The following REDIC1 variants were observed in gnomAD, a reference collection of about 807,000 sequenced individuals.
The protein encoded by REDIC1 is regulator of DNA class I crossover intermediates 1, also known as HEI10 Interacting Protein 1.
the REDIC1 span, among the ~76,000 whole-genome samples, chr12:39,795,946 T>C: frequency 6.6e-6 from 1 of 152,126 alleles, no homozygotes; most frequent in Non-Finnish European, 1.5e-5. Flanking sequence ...TTCAGTATAT[T>C]CACAGAGTTG....
chr12:39,693,878 T>C, the REDIC1 span, among the ~76,000 whole-genome samples: 2 of 152,156 alleles, frequency 1.3e-5, no homozygotes, highest in Non-Finnish European at 2.9e-5. Flanking sequence ...TCAATTTTGA[T>C]ATATATATAT....
the REDIC1 span, among the ~76,000 whole-genome samples, chr12:39,900,274 C>T: frequency 4.0e-4 from 61 of 152,254 alleles, no homozygotes; most frequent in Non-Finnish European, 6.3e-4. Flanking sequence ...CCTTTGAAAA[C>T]TGGCACAAGA....
At chr12:39,664,192 A>G in the REDIC1 span, among the ~76,000 whole-genome samples, 5 of 151,860 alleles carry the variant, frequency 3.3e-5, no homozygotes, top group Admixed American at 6.6e-5. Context: ...GTCATTTAAC[A>G]TTAGGTATTT....
At chr12:39,894,217 T>G in the REDIC1 span, among the ~76,000 whole-genome samples, 1 of 152,244 alleles carries the variant, frequency 6.6e-6, no homozygotes, top group Non-Finnish European at 1.5e-5. Flanking sequence ...GTCTTCAAGT[T>G]GTCCTTAGTA....
the REDIC1 span, among the ~76,000 whole-genome samples, chr12:39,897,217 G>T: frequency 1.1e-4 from 16 of 152,274 alleles, no homozygotes; most frequent in African/African-American, 3.4e-4. Flanking sequence ...AGGATTTTGA[G>T]TTGAAACCTA....
the REDIC1 span, among the ~76,000 whole-genome samples, chr12:39,701,210 C>A: frequency 1.2e-3 from 176 of 152,188 alleles, no homozygotes; most frequent in African/African-American, 4.2e-3. Context: ...TGCGGAGACA[C>A]ACATAGGCTC....
the REDIC1 span, among the ~76,000 whole-genome samples, chr12:39,792,833 C>T: frequency 4.0e-5 from 6 of 151,186 alleles, no homozygotes; most frequent in African/African-American, 1.5e-4. Flanking sequence ...AAAAGTGGAC[C>T]ACGCAGTTCA....
the REDIC1 span, among the ~76,000 whole-genome samples, chr12:39,676,876 A>G: frequency 6.6e-6 from 1 of 152,164 alleles, no homozygotes. Flanking sequence ...TGTGAGATAA[A>G]GTATTTTTCA....
At chr12:39,841,738 G>GA in the REDIC1 span, among the ~76,000 whole-genome samples, 11 of 151,610 alleles carry the variant, frequency 7.3e-5, no homozygotes, top group African/African-American at 2.4e-4. Flanking sequence ...TTTTTTCAGA[G>GA]AAAAAAACAG....
the REDIC1 span, among the ~76,000 whole-genome samples, chr12:39,773,274 A>G: frequency 2.4e-3 from 360 of 152,290 alleles, 1 homozygote; most frequent in Non-Finnish European, 3.8e-3. Flanking sequence ...ATTGCATGCA[A>G]TCAGGTGAAA....
At chr12:39,818,656 C>A in the REDIC1 span, among the ~76,000 whole-genome samples, 1 of 151,976 alleles carries the variant, frequency 6.6e-6, no homozygotes, top group Admixed American at 6.6e-5. Flanking sequence ...AGCTGATGTC[C>A]CCCAAGTTTT....
chr12:39,716,603 A>G, the REDIC1 span, among the ~76,000 whole-genome samples: 8 of 152,074 alleles, frequency 5.3e-5, no homozygotes, highest in African/African-American at 1.9e-4. Flanking sequence ...TAAGGTGCCA[A>G]GTATCCACAA....
At chr12:39,653,518 C>CTTCTTA in the REDIC1 span, among the ~76,000 whole-genome samples, 1 of 56,658 alleles carries the variant, frequency 1.8e-5, no homozygotes, top group Non-Finnish European at 4.5e-5. Flanking sequence ...TCTTCTTCTT[C>CTTCTTA]TTCTTCTTCT....
the REDIC1 span, among the ~76,000 whole-genome samples, chr12:39,866,389 C>T: frequency 1.3e-5 from 2 of 152,132 alleles, no homozygotes; most frequent in East Asian, 3.9e-4. Flanking sequence ...CACAACCTTT[C>T]CATAATTCAA....
chr12:39,783,800 T>A, the REDIC1 span, among the ~76,000 whole-genome samples: 1 of 152,206 alleles, frequency 6.6e-6, no homozygotes, highest in Non-Finnish European at 1.5e-5. Flanking sequence ...TGTTTGCAGA[T>A]GACATGACTG....
At chr12:39,839,453 A>T in the REDIC1 span, among the ~76,000 whole-genome samples, 3 of 152,086 alleles carry the variant, frequency 2.0e-5, no homozygotes, top group Non-Finnish European at 2.9e-5. Context: ...GAAGCAAATT[A>T]TCCTCTCCAC....
chr12:39,808,955 G>C, the REDIC1 span, among the ~76,000 whole-genome samples: 1 of 152,022 alleles, frequency 6.6e-6, no homozygotes, highest in Non-Finnish European at 1.5e-5. Context: ...TTTGTTGTGT[G>C]TGCTTTTTGT....
chr12:39,627,641 G>A, the REDIC1 span, among the ~76,000 whole-genome samples: 1 of 152,142 alleles, frequency 6.6e-6, no homozygotes, highest in Non-Finnish European at 1.5e-5. Flanking sequence ...GAGATATTAG[G>A]TACCAGGGGG....
chr12:39,838,137 T>C, the REDIC1 span, among the ~76,000 whole-genome samples: 1 of 147,266 alleles, frequency 6.8e-6, no homozygotes. Context: ...GTGGCACATA[T>C]ACACCATGGA....
Sources: gnomAD v4.1 joint callset for allele counts (sites outside exome capture counted in the v4.1 genomes callset) on GRCh38, gnomAD v4.1.1 for gene constraint, MANE v1.5 for transcripts, NCBI Gene and HGNC (gene_info 2026-07-23, HGNC 2026-07-21) for gene names.